CMSS1: variants seen among roughly 807,000 people sequenced by gnomAD.
The protein encoded by CMSS1 is protein CMSS1.
A neutral mutation model predicts 43.5 loss-of-function variants in CMSS1; 33 were observed. That is an observed-to-expected ratio of 0.76 (90% CI 0.57 to 1.01). The LOEUF (loss-of-function observed/expected upper bound fraction) is 1.01. CMSS1 is among the 50% of genes least tolerant of loss of function. The pLI, the probability that CMSS1 is intolerant of heterozygous loss-of-function variation, is 0.00. For missense variants in CMSS1, 313 were observed against 326.4 expected (o/e 0.96, Z 0.32); for synonymous variants, 115 against 117.2 (o/e 0.98, Z 0.12).
chr3:99,829,437 A>G (rs1022186634), intron 1 of CMSS1, among the ~76,000 whole-genome samples: 5 of 152,150 alleles, frequency 3.3e-5, no homozygotes, highest in Non-Finnish European at 7.3e-5. Context: ...CTTATAGATG[A>G]CTGTTTGAAT....
chr3:99,920,481 C>T (rs1277448332), intron 1 of CMSS1, among the ~76,000 whole-genome samples: 6 of 152,136 alleles, frequency 3.9e-5, no homozygotes, highest in African/African-American at 1.4e-4. Context: ...GTAATTCAGC[C>T]AAGTACATAA....
chr3:99,892,951 C>T (rs1353917820), intron 1 of CMSS1, among the ~76,000 whole-genome samples: 2 of 152,020 alleles, frequency 1.3e-5, no homozygotes, highest in Non-Finnish European at 2.9e-5. Flanking sequence ...AGATGAGGCC[C>T]CTGTTGGTGC....
chr3:100,080,544 C>T (rs989970738), intron 1 of CMSS1, among the ~76,000 whole-genome samples: 1 of 152,106 alleles, frequency 6.6e-6, no homozygotes, highest in African/African-American at 2.4e-5. Context: ...GATCTGTGGA[C>T]CACATTTTGA....
chr3:100,170,228 A>G (rs1207528721), intron 6 of CMSS1, among the ~76,000 whole-genome samples: 3 of 152,340 alleles, frequency 2.0e-5, no homozygotes, highest in South Asian at 2.1e-4. Flanking sequence ...TTGCAAACTC[A>G]TATGTTTTTA....
rs535147627 is a variant in CMSS1 at position 100,170,348 on chromosome 3, A to G, written c.519-1491A>G. 8.5e-5 allele frequency among the ~76,000 whole-genome samples: 13 copies of G among 152,334 alleles called. No individual in the cohort carries two copies. The South Asian group carries it at 1.9e-3, about 22-fold the overall frequency. ...TATATAGAAATACATTGAACAAATGAGAAACAGGTTGTGAAAATAGAAGCA... is the reference window on the plus strand; with the variant it reads ...TATATAGAAATACATTGAACAAATGGGAAACAGGTTGTGAAAATAGAAGCA... On this transcript the variant is annotated intron_variant, in intron 6 of 9. Transcript: ENST00000421999.
intron 1 of CMSS1, among the ~76,000 whole-genome samples, chr3:99,887,758 A>G (rs575801983): frequency 4.6e-5 from 7 of 152,328 alleles, no homozygotes; most frequent in African/African-American, 1.7e-4. Context: ...ATATTGAGAT[A>G]GGGCCTCATT....
intron 1 of CMSS1, among the ~76,000 whole-genome samples, chr3:99,925,556 G>A (rs1707264818): frequency 6.6e-6 from 1 of 151,350 alleles, no homozygotes; most frequent in South Asian, 2.1e-4. Flanking sequence ...TGAGCAGCAT[G>A]TGGGACACTT....
At chr3:99,928,099 C>CT (rs1707354966) in intron 1 of CMSS1, among the ~76,000 whole-genome samples, 2 of 152,146 alleles carry the variant, frequency 1.3e-5, no homozygotes, top group South Asian at 2.1e-4. Flanking sequence ...AGAAGAATAA[C>CT]TTTAGCATTC....
At chr3:100,178,201 A>G (rs1376185066) in intron 9 of CMSS1, 104 bp from the exon 10 acceptor site, 1 of 647,378 alleles carries the variant, frequency 1.5e-6, no homozygotes, top group Non-Finnish European at 2.8e-6. Context: ...GATTCTGGCC[A>G]TAACAGCTGG....
At chr3:99,905,869 A>C (rs1372905328) in intron 1 of CMSS1, among the ~76,000 whole-genome samples, 1 of 152,202 alleles carries the variant, frequency 6.6e-6, no homozygotes, top group African/African-American at 2.4e-5. Context: ...TAGTTGCTTC[A>C]CTTCTTTAAC....
chr3:99,854,607 C>T (rs1205536251), intron 1 of CMSS1, among the ~76,000 whole-genome samples: 1 of 152,148 alleles, frequency 6.6e-6, no homozygotes, highest in East Asian at 1.9e-4. Flanking sequence ...TGGAGATCAT[C>T]TTGTGCACTA....
chr3:100,147,696 A>G (rs1218829899), intron 2 of CMSS1, among the ~76,000 whole-genome samples: 2 of 152,218 alleles, frequency 1.3e-5, no homozygotes, highest in Non-Finnish European at 2.9e-5. Flanking sequence ...TAAATAGTAT[A>G]AAGATAGAGA....
intron 1 of CMSS1, among the ~76,000 whole-genome samples, chr3:100,003,839 A>G (rs776978058): frequency 4.0e-4 from 61 of 152,180 alleles, no homozygotes; most frequent in Non-Finnish European, 7.9e-4. Flanking sequence ...GTATCATACA[A>G]ACACTAACTT....
intron 1 of CMSS1, among the ~76,000 whole-genome samples, chr3:100,017,138 GT>G (rs1170970756): frequency 6.6e-6 from 1 of 152,054 alleles, no homozygotes; most frequent in Non-Finnish European, 1.5e-5. Context: ...GAAAATGTTT[GT>G]CATCAAAAAT....
intron 2 of CMSS1, among the ~76,000 whole-genome samples, chr3:100,152,048 T>C (rs1032743314): frequency 2.0e-5 from 3 of 152,138 alleles, no homozygotes; most frequent in Non-Finnish European, 4.4e-5. Context: ...AGAAGGCAAA[T>C]AGGAGGCACA....
At chr3:100,052,397 G>C (rs1273879030) in intron 1 of CMSS1, among the ~76,000 whole-genome samples, 1 of 152,178 alleles carries the variant, frequency 6.6e-6, no homozygotes, top group Non-Finnish European at 1.5e-5. Flanking sequence ...AGGTCTGAGG[G>C]GTAGTAGTGG....
intron 1 of CMSS1, among the ~76,000 whole-genome samples, chr3:100,127,500 C>T (rs2066672717): frequency 6.6e-6 from 1 of 152,212 alleles, no homozygotes; most frequent in Admixed American, 6.5e-5. Flanking sequence ...TGCAAAACAG[C>T]TAGCCAGGAA....
intron 1 of CMSS1, among the ~76,000 whole-genome samples, chr3:99,875,709 G>A (rs573161686): frequency 5.9e-5 from 9 of 152,224 alleles, no homozygotes; most frequent in African/African-American, 1.9e-4. Context: ...GTTTGAGTCC[G>A]GAGGAGAGAT....
intron 1 of CMSS1, among the ~76,000 whole-genome samples, chr3:99,899,466 T>G (rs1006715216): frequency 2.6e-5 from 4 of 152,228 alleles, no homozygotes. Context: ...TTTCCATGAA[T>G]TATATTAATG....
Sources: gnomAD v4.1 joint callset for allele counts (sites outside exome capture counted in the v4.1 genomes callset) on GRCh38, gnomAD v4.1.1 for gene constraint, MANE v1.5 for transcripts, NCBI Gene and HGNC (gene_info 2026-07-23, HGNC 2026-07-21) for gene names.